Variants in CBFA2T2 observed in about 807,000 individuals in gnomAD.
CBFA2T2 encodes the protein protein CBFA2T2.
A neutral mutation model predicts 62.2 loss-of-function variants in CBFA2T2; 11 were observed. The observed-to-expected ratio is 0.18, with a 90% confidence interval of 0.11 to 0.29. The LOEUF is 0.29. CBFA2T2 is among the 10% of genes least tolerant of loss of function. The probability of loss-of-function intolerance (pLI) is 1.00; values close to 1 mark genes in which losing one functional copy is unlikely to be tolerated. For synonymous variants in CBFA2T2, 295 were observed against 287.5 expected (o/e 1.03, Z -0.27); for missense variants, 592 against 774.1 (o/e 0.76, Z 2.79).
chr20:33,498,225 C>T (rs1600898172), intron 1 of CBFA2T2, among the ~76,000 whole-genome samples: 1 of 151,004 alleles, frequency 6.6e-6, no homozygotes, highest in East Asian at 1.9e-4. Context: ...AACCACTGTG[C>T]CTGGCCCAGT....
chr20:33,603,495 C>T (rs1041681967), intron 1 of CBFA2T2, among the ~76,000 whole-genome samples: 1 of 152,104 alleles, frequency 6.6e-6, no homozygotes, highest in East Asian at 1.9e-4. Context: ...TGCACACATG[C>T]ATTTATTTTT....
chr20:33,642,108 TTTTTTTTTTGTGTGTGTGTGTGTGTGTG>T (rs1220626089), intron 10 of CBFA2T2, among the ~76,000 whole-genome samples: 2 of 55,328 alleles, frequency 3.6e-5, no homozygotes, highest in Admixed American at 2.2e-4. Flanking sequence ...CCTTTGTCTT[TTTTTTTTTTGTGTGTGTGTGTGTGTGTG>T]TGTGTGTGTG....
chr20:33,512,506 TAA>T (rs1356563907), intron 1 of CBFA2T2, among the ~76,000 whole-genome samples: 1 of 152,210 alleles, frequency 6.6e-6, no homozygotes, highest in African/African-American at 2.4e-5. Context: ...GAACTTTATA[TAA>T]AGAGTCATAT....
chr20:33,519,270 G>A (rs1244217803), intron 1 of CBFA2T2, among the ~76,000 whole-genome samples: 1 of 152,042 alleles, frequency 6.6e-6, no homozygotes, highest in Non-Finnish European at 1.5e-5. Flanking sequence ...AGGAGTTCGA[G>A]ACCAGCCTGG....
At chr20:33,500,065 T>G (rs769159245) in intron 1 of CBFA2T2, among the ~76,000 whole-genome samples, 2 of 151,994 alleles carry the variant, frequency 1.3e-5, no homozygotes, top group Non-Finnish European at 2.9e-5. Flanking sequence ...TTCAAGCAGT[T>G]CTGTGCCTCA....
intron 10 of CBFA2T2, among the ~76,000 whole-genome samples, chr20:33,641,044 T>C (rs2016816398): frequency 6.6e-6 from 1 of 152,128 alleles, no homozygotes; most frequent in African/African-American, 2.4e-5. Context: ...CTAGGCTTTT[T>C]TTTTTTGAGA....
intron 1 of CBFA2T2, among the ~76,000 whole-genome samples, chr20:33,496,827 T>C (rs773601544): frequency 6.6e-6 from 1 of 152,124 alleles, no homozygotes; most frequent in Non-Finnish European, 1.5e-5. Context: ...TTTCACCCTA[T>C]CCTGTGCCCT....
chr20:33,559,627 C>T (rs961998553), intron 1 of CBFA2T2, among the ~76,000 whole-genome samples: 6 of 152,156 alleles, frequency 3.9e-5, no homozygotes, highest in Admixed American at 3.3e-4. Flanking sequence ...GCTTGGATTA[C>T]AGGCGCCCAC....
intron 1 of CBFA2T2, among the ~76,000 whole-genome samples, chr20:33,553,355 T>C (rs940223090): frequency 6.6e-6 from 1 of 152,162 alleles, no homozygotes; most frequent in Non-Finnish European, 1.5e-5. Flanking sequence ...GCCTCCCGAG[T>C]AGCTGGGACT....
At chr20:33,598,863 C>T (rs975238831) in intron 1 of CBFA2T2, among the ~76,000 whole-genome samples, 2 of 152,218 alleles carry the variant, frequency 1.3e-5, no homozygotes, top group Non-Finnish European at 2.9e-5. Flanking sequence ...TGGCTTCAGC[C>T]GGTCCCTCCG....
At chr20:33,539,550 T>G (rs1295971308) in intron 1 of CBFA2T2, among the ~76,000 whole-genome samples, 1 of 152,192 alleles carries the variant, frequency 6.6e-6, no homozygotes, top group Non-Finnish European at 1.5e-5. Context: ...TGGAAAATAT[T>G]TGTTTTCCTC....
intron 1 of CBFA2T2, among the ~76,000 whole-genome samples, chr20:33,545,727 C>T (rs1041774815): frequency 1.3e-5 from 2 of 152,216 alleles, no homozygotes; most frequent in African/African-American, 2.4e-5. Context: ...GGATTACAGG[C>T]GTGAGCCAAC....
intron 1 of CBFA2T2, among the ~76,000 whole-genome samples, chr20:33,569,918 G>A (rs891051124): frequency 1.3e-5 from 2 of 152,068 alleles, no homozygotes; most frequent in African/African-American, 4.8e-5. Context: ...CTAAAGCCAG[G>A]CCCTATGGTG....
chr20:33,597,007 C>T, intron 1 of CBFA2T2, among the ~76,000 whole-genome samples: 1 of 151,198 alleles, frequency 6.6e-6, no homozygotes, highest in Non-Finnish European at 1.5e-5. Flanking sequence ...TCACTGCAGC[C>T]TGAAACTCCA....
chr20:33,533,586 T>G (rs1330463599), intron 1 of CBFA2T2, among the ~76,000 whole-genome samples: 1 of 152,210 alleles, frequency 6.6e-6, no homozygotes, highest in Non-Finnish European at 1.5e-5. Flanking sequence ...GTTTCCAGTC[T>G]TTGGCTATTG....
chr20:33,620,741 T>C (rs763099395), intron 4 of CBFA2T2, among the ~76,000 whole-genome samples: 16 of 151,294 alleles, frequency 1.1e-4, no homozygotes, highest in Non-Finnish European at 1.9e-4. Flanking sequence ...GGCAGGAGAA[T>C]TGCTTGAACC....
rs556677014 is a variant in CBFA2T2, at chr20:33,500,027, T to TG, written c.34+9728dup. The stretch of plus-strand genomic sequence containing the variant: ...CAGGCTGAGTGCAGTGGTGTGATCT[T>TG]GGCTCACTGCAACCTCCACCACCGA... On this transcript the variant is annotated intron_variant, in intron 1 of 10. Transcript: ENST00000342704. Among the ~76,000 whole-genome samples, 26 of 152,174 alleles carry TG rather than the reference T, an allele frequency of 1.7e-4. No homozygotes were observed. In the South Asian group the frequency reaches 4.6e-3, roughly 27 times the overall value.
chr20:33,536,210 C>T (rs1325405517), intron 1 of CBFA2T2, among the ~76,000 whole-genome samples: 1 of 152,044 alleles, frequency 6.6e-6, no homozygotes, highest in East Asian at 1.9e-4. Context: ...GGGTGGTGGC[C>T]GGGCAGAGGG....
chr20:33,572,701 AG>A (rs1454495989), intron 1 of CBFA2T2, among the ~76,000 whole-genome samples: 2 of 152,212 alleles, frequency 1.3e-5, no homozygotes, highest in Non-Finnish European at 2.9e-5. Flanking sequence ...CGAAGAGAAG[AG>A]GGTAGAGAGA....
Sources: gnomAD v4.1 joint callset for allele counts (sites outside exome capture counted in the v4.1 genomes callset) on GRCh38, gnomAD v4.1.1 for gene constraint, MANE v1.5 for transcripts, NCBI Gene and HGNC (gene_info 2026-07-23, HGNC 2026-07-21) for gene names.